The following GID8 variants were observed in gnomAD, a reference collection of about 807,000 sequenced individuals.
GID8 encodes GID complex subunit 8 homolog.
A neutral mutation model predicts 27.4 loss-of-function variants in GID8; 6 were observed. The ratio of observed to expected loss-of-function variants is 0.22; its 90% CI spans 0.12 to 0.43. The LOEUF (loss-of-function observed/expected upper bound fraction) is 0.43. Among genes scored for constraint, GID8 ranks in the 20% least tolerant of loss-of-function variants. The pLI is 1.00. For synonymous variants in GID8, 112 were observed against 109.0 expected (o/e 1.03, Z -0.17); for missense variants, 173 against 287.6 (o/e 0.60, Z 2.88).
chr20:62,945,074 G>C lies in GID8; in HGVS notation c.*162G>C. The stretch of plus-strand genomic sequence containing the variant: ...TTTATAGGGAAAAATGGCCTTTGTA[G>C]GCAGTGGAAAACTTGCAAGGAAAGC... On this transcript the variant is annotated 3_prime_UTR_variant, in exon 5 of 5. Coordinates refer to ENST00000266069, the MANE Select transcript of GID8 (RefSeq NM_017896.3). The C allele has an allele frequency of 7.1e-7, 1 of 1,416,052 alleles. No homozygotes were observed. Among genetic ancestry groups the C allele is most frequent in the Non-Finnish European group, 9.2e-7 (1 of 1,088,630 alleles). 87.7% of individuals were successfully genotyped at this position (1,416,052 alleles called of 1,614,324 possible).
chr20:62,946,200 C>CCGGCGCA lies in GID8; in HGVS notation c.*1289_*1295dup, dbSNP rs1280297066. 7 of 362,264 alleles carry CCGGCGCA rather than the reference C, an allele frequency of 1.9e-5. No individual in the cohort carries two copies. Among genetic ancestry groups the CCGGCGCA allele is most frequent in the Non-Finnish European group, 3.6e-5 (7 of 192,394 alleles). 22.4% of individuals were successfully genotyped at this position (362,264 alleles called of 1,614,324 possible). A position where few individuals can be genotyped will look rare whatever the true frequency, so the allele number is the denominator to read the frequency against. ...CGTCCTTTGGAGCCAGTGGAGCCTG[C>CCGGCGCA]CGGCGCATCTGAGGGGCAGAATGCT... On this transcript the variant is annotated 3_prime_UTR_variant, in exon 5 of 5. Transcript: ENST00000266069.
intron 1 of GID8, chr20:62,938,898 C>T (rs1437332623): frequency 6.6e-6 from 1 of 152,144 alleles, no homozygotes; most frequent in Non-Finnish European, 1.5e-5. Context: ...GTGGGCGGAT[C>T]ACTTGAGCCC....
At position 62,945,064 on chromosome 20, in the gene GID8, G is replaced by T; in HGVS notation, c.*152G>T. 1 of 1,419,508 alleles carries T rather than the reference G, an allele frequency of 7.0e-7. No homozygotes were observed. Among genetic ancestry groups the T allele is most frequent in the Non-Finnish European group, 9.2e-7 (1 of 1,090,252 alleles). The allele number at this position is 1,419,508 out of a possible 1,614,324, so 87.9% of individuals were successfully genotyped here. A position where few individuals can be genotyped will look rare whatever the true frequency, so the allele number is the denominator to read the frequency against. On this transcript the variant is annotated 3_prime_UTR_variant, in exon 5 of 5. Coordinates refer to ENST00000266069, the MANE Select transcript of GID8 (RefSeq NM_017896.3). ...CTGGCATCTTTTTATAGGGAAAAAT[G>T]GCCTTTGTAGGCAGTGGAAAACTTG... is the stretch of plus-strand genomic sequence containing the variant.
Position 62,945,321 on chromosome 20 carries a change from A to C in GID8, c.*409A>C, listed in dbSNP as rs1281831367. 2 of 995,034 alleles carry C rather than the reference A, an allele frequency of 2.0e-6. No individual in the cohort carries two copies. The highest frequency in any genetic ancestry group is 2.4e-6 in the Non-Finnish European group (2 of 836,362). 61.6% of individuals were successfully genotyped at this position (995,034 alleles called of 1,614,324 possible). A position where few individuals can be genotyped will look rare whatever the true frequency, so the allele number is the denominator to read the frequency against. On this transcript the variant is annotated 3_prime_UTR_variant, in exon 5 of 5. Coordinates refer to ENST00000266069, the MANE Select transcript of GID8 (RefSeq NM_017896.3). Reference sequence around the variant, plus strand: ...TAGCTTAGGCAGACATTGGGCCTTCACCTACAAGTTTTTCCTTACCCCTGT... The same window carrying C: ...TAGCTTAGGCAGACATTGGGCCTTCCCCTACAAGTTTTTCCTTACCCCTGT...
chr20:62,941,624 A>G lies in GID8; in HGVS notation c.118+4A>G. ...ATCATGAACTACCTGGTCACAGGTAATGGCTTACAGTGAGGATGCTGTTGC... is the reference window on the plus strand; with the variant it reads ...ATCATGAACTACCTGGTCACAGGTAGTGGCTTACAGTGAGGATGCTGTTGC... On this transcript the variant is annotated splice_donor_region_variant and intron_variant, in intron 2 of 4. Transcript: ENST00000266069. The G allele has an allele frequency of 6.2e-6, 9 of 1,451,420 alleles. No homozygotes were observed. The highest frequency in any genetic ancestry group is 8.7e-6 in the Non-Finnish European group (9 of 1,031,310). The allele number at this position is 1,451,420 out of a possible 1,614,324, so 89.9% of individuals were successfully genotyped here.
In GID8 at chr20:62,947,048, C is replaced by CA. The variant is rs2065469561; in HGVS notation, c.*2137dup. On this transcript the variant is annotated 3_prime_UTR_variant, in exon 5 of 5. Transcript: ENST00000266069. ...GCCTGGACTGTCACTATGTGGCTGT[C>CA]ACGTGAAGTGCTGGTGTTGATTTCC... 6.6e-6 allele frequency: 1 copy of CA among 152,242 alleles called. No individual in the cohort carries two copies. The highest frequency in any genetic ancestry group is 1.5e-5 in the Non-Finnish European group (1 of 68,044). The allele number at this position is 152,242 out of a possible 1,614,324, so 9.4% of individuals were successfully genotyped here.
At position 62,944,877 on chromosome 20, in the gene GID8, G is replaced by A. The variant is rs1325849550; in HGVS notation, c.652G>A (p.Asp218Asn). 1 of 1,613,644 alleles carries A rather than the reference G, an allele frequency of 6.2e-7. No homozygotes were observed. The highest frequency in any genetic ancestry group is 1.3e-5 in the African/African-American group (1 of 74,928). Residue 218 changes from aspartate to asparagine, a missense_variant, in exon 5 of 5, where the codon GAC becomes AAC. Coordinates refer to ENST00000266069, the MANE Select transcript of GID8 (RefSeq NM_017896.3). ...GAAAGTAAAATATCCCAAAATGACA[G>A]ACCTCAGCAAGGGTGTGATTGAGGA... The part of the protein sequence containing the change: ...QKKVKYPKMT[D>N]LSKGVIEEPK
rs2039 is a variant in GID8, at chr20:62,946,970, G to C, written c.*2058G>C. The C allele has an allele frequency of 4.6e-5, 7 of 152,234 alleles. No homozygotes were observed. The highest frequency in any genetic ancestry group is 1.4e-4 in the African/African-American group (6 of 41,444). 9.4% of individuals were successfully genotyped at this position (152,234 alleles called of 1,614,324 possible). A position where few individuals can be genotyped will look rare whatever the true frequency, so the allele number is the denominator to read the frequency against. ...AAAACTAGAGGGTGTGAGAAGCACA[G>C]CAATAGGAAGTCTCTCCACAAACTA... is the stretch of plus-strand genomic sequence containing the variant. On this transcript the variant is annotated 3_prime_UTR_variant, in exon 5 of 5. Coordinates refer to ENST00000266069, the MANE Select transcript of GID8 (RefSeq NM_017896.3).
chr20:62,938,200 G>A lies in GID8; in HGVS notation c.-66G>A, dbSNP rs1042424169. ...GCCACCTCTCCCCAGCCCAGGAGAG[G>A]CTGCGGAGCCGCAGCCGCCCAGACC... is the stretch of plus-strand genomic sequence containing the variant. On this transcript the variant is annotated 5_prime_UTR_variant, in exon 1 of 5. Transcript: ENST00000266069. The A allele has an allele frequency of 2.1e-5, 4 of 190,478 alleles. No individual in the cohort carries two copies. The highest frequency in any genetic ancestry group is 7.0e-5 in the African/African-American group (3 of 42,572). The allele number at this position is 190,478 out of a possible 1,614,324, so 11.8% of individuals were successfully genotyped here. A position where few individuals can be genotyped will look rare whatever the true frequency, so the allele number is the denominator to read the frequency against.
Position 62,945,425 on chromosome 20 carries a change from ATG to A in GID8, c.*518_*519del. On this transcript the variant is annotated 3_prime_UTR_variant, in exon 5 of 5. Coordinates refer to ENST00000266069, the MANE Select transcript of GID8 (RefSeq NM_017896.3). ...GTAAATCCTAATTCAAAGATGGCTC[ATG>A]TGTGAGGGCATTGAGTTTGATTTGT... The A allele has an allele frequency of 1.0e-6, 1 of 987,488 alleles. No individual in the cohort carries two copies. Among genetic ancestry groups the A allele is most frequent in the Non-Finnish European group, 1.2e-6 (1 of 830,704 alleles). The allele number at this position is 987,488 out of a possible 1,614,324, so 61.2% of individuals were successfully genotyped here.
Position 62,943,120 on chromosome 20 carries a change from C to T in GID8, c.252C>T (p.Ala84=). Residue 84 remains alanine, a synonymous_variant, in exon 3 of 5, where the codon GCC becomes GCT. Transcript: ENST00000266069. The surrounding 1 kb of genome is among the most constrained non-coding windows in gnomAD (Gnocchi z 4.7). ...ILKGQIQEAI[A]LINSLHPELL... is the part of the protein sequence containing the mutation. ...AAGGTCAGATTCAGGAGGCCATCGC[C>T]TTGATCAACAGCCTCCACCCAGAGC... 1.9e-6 allele frequency: 3 copies of T among 1,614,140 alleles called. No homozygotes were observed. The highest frequency in any genetic ancestry group is 2.2e-5 in the South Asian group (2 of 91,082).
intron 1 of GID8, among the ~76,000 whole-genome samples, chr20:62,939,747 G>GGT (rs2065431199): frequency 6.6e-6 from 1 of 151,988 alleles, no homozygotes; most frequent in African/African-American, 2.4e-5. Context: ...CTCTCGCTTG[G>GGT]GTGTCTCCCT....
chr20:62,939,963 C>T (rs1378576922), intron 1 of GID8, among the ~76,000 whole-genome samples: 1 of 152,142 alleles, frequency 6.6e-6, no homozygotes, highest in African/African-American at 2.4e-5. Context: ...CTCCCAAAGC[C>T]GGAACAGCTG....
chr20:62,947,031 T>C lies in GID8; in HGVS notation c.*2119T>C, dbSNP rs1299840950. Reference sequence around the variant, plus strand: ...AATGGGGTCATTCACGTGCCTGGACTGTCACTATGTGGCTGTCACGTGAAG... The same window carrying C: ...AATGGGGTCATTCACGTGCCTGGACCGTCACTATGTGGCTGTCACGTGAAG... On this transcript the variant is annotated 3_prime_UTR_variant, in exon 5 of 5. Transcript: ENST00000266069. 6.6e-6 allele frequency: 1 copy of C among 152,270 alleles called. No homozygotes were observed. The highest frequency in any genetic ancestry group is 1.5e-5 in the Non-Finnish European group (1 of 68,052). The allele number at this position is 152,270 out of a possible 1,614,324, so 9.4% of individuals were successfully genotyped here.
In GID8 at chr20:62,943,529, A is replaced by C; in HGVS notation, c.350A>C (p.Glu117Ala). The C allele has an allele frequency of 6.2e-7, 1 of 1,612,754 alleles. No homozygotes were observed. Among genetic ancestry groups the C allele is most frequent in the Non-Finnish European group, 8.5e-7 (1 of 1,179,996 alleles). ...QHLIELIRQR[E>A]TEAALEFAQT... The stretch of plus-strand genomic sequence containing the variant: ...TTGATCGAGCTGATCCGCCAGCGGG[A>C]GACAGAGGCGGCGCTGGAGTTTGCA... Residue 117 changes from glutamate (E) to alanine (A), a missense_variant, in exon 4 of 5, where the codon GAG becomes GCG. By Grantham distance (107) the Glu-to-Ala change is moderately radical (BLOSUM62 -1). Coordinates refer to ENST00000266069, the MANE Select transcript of GID8 (RefSeq NM_017896.3). This position sits in a 1 kb window ranked among gnomAD's most constrained non-coding sequence, Gnocchi z 4.7.
intron 1 of GID8, among the ~76,000 whole-genome samples, chr20:62,940,672 A>G (rs1315652790): frequency 6.6e-6 from 1 of 152,142 alleles, no homozygotes; most frequent in African/African-American, 2.4e-5. Context: ...TTCATTCAGC[A>G]TTGTTTTATG....
In GID8 at chr20:62,940,367, T is replaced by TG. The variant is rs1555856046; in HGVS notation, c.-12-1123dup. The stretch of plus-strand genomic sequence containing the variant: ...GCCCGGCAAATTTTTTTTTTTTTTT[T>TG]GAGACGGAGTCTTGTTCTGTCGCCC... On this transcript the variant is annotated intron_variant, in intron 1 of 4. Coordinates refer to ENST00000266069, the MANE Select transcript of GID8 (RefSeq NM_017896.3). 1.7e-3 allele frequency among the ~76,000 whole-genome samples: 242 copies of TG among 144,758 alleles called. 5 individuals carry two copies. The highest frequency in any genetic ancestry group is 3.7e-3 in the Admixed American group (54 of 14,562). The allele number at this position is 144,758 out of a possible 152,430, so 95.0% of individuals were successfully genotyped here. A position where few individuals can be genotyped will look rare whatever the true frequency, so the allele number is the denominator to read the frequency against.
In GID8 at chr20:62,945,757, G is replaced by C; in HGVS notation, c.*845G>C. On this transcript the variant is annotated 3_prime_UTR_variant, in exon 5 of 5. Transcript: ENST00000266069. The stretch of plus-strand genomic sequence containing the variant: ...GTACCTGCAGCTGGAAAGGCCACTT[G>C]GCCCTGTGCTGAGTGAGCGGCCTTC... 8.1e-7 allele frequency: 1 copy of C among 1,237,520 alleles called. No homozygotes were observed. The highest frequency in any genetic ancestry group is 2.5e-4 in the Middle Eastern group (1 of 3,958). 76.7% of individuals were successfully genotyped at this position (1,237,520 alleles called of 1,614,324 possible). A position where few individuals can be genotyped will look rare whatever the true frequency, so the allele number is the denominator to read the frequency against.
At chr20:62,941,643 C>G in intron 2 of GID8, 23 bp downstream of exon 2, 1 of 1,246,660 alleles carries the variant, frequency 8.0e-7, no homozygotes, top group Non-Finnish European at 1.2e-6. Context: ...AGTGAGGATG[C>G]TGTTGCATGA....
Sources: gnomAD v4.1 joint callset for allele counts (sites outside exome capture counted in the v4.1 genomes callset) on GRCh38, gnomAD v4.1.1 for gene constraint, Gnocchi (gnomAD v3.1) non-coding constraint, MANE v1.5 for transcripts, NCBI Gene and HGNC (gene_info 2026-07-23, HGNC 2026-07-21) for gene names.